The following FIRRM variants were observed in gnomAD, a reference collection of about 807,000 sequenced individuals.
FIRRM encodes FIGNL1 interacting regulator of recombination and mitosis, also known as FIGNL1-interacting regulator of recombination and mitosis.
chr1:169,804,089 G>A, the FIRRM span: 127 of 1,484,822 alleles, frequency 8.6e-5, 1 homozygote, highest in African/African-American at 1.6e-3. Context: ...GTGAATCTGT[G>A]TATTCTGGGT....
the FIRRM span, among the ~76,000 whole-genome samples, chr1:169,794,350 C>T: frequency 6.6e-6 from 1 of 152,112 alleles, no homozygotes; most frequent in Non-Finnish European, 1.5e-5. Context: ...ATAGGTATGG[C>T]CTGGTGTGTG....
chr1:169,847,229 A>G, the FIRRM span, among the ~76,000 whole-genome samples: 1 of 150,888 alleles, frequency 6.6e-6, no homozygotes, highest in Non-Finnish European at 1.5e-5. Context: ...CCAATCTGTG[A>G]CAGCCATGAA....
At chr1:169,832,543 G>A in the FIRRM span, 7 of 1,472,190 alleles carry the variant, frequency 4.8e-6, no homozygotes, top group Non-Finnish European at 6.7e-6. Flanking sequence ...TGTCTGTGAA[G>A]CTGCTCAGAG....
chr1:169,828,297 C>T, the FIRRM span, among the ~76,000 whole-genome samples: 42 of 152,146 alleles, frequency 2.8e-4, no homozygotes, highest in Admixed American at 1.2e-3. Context: ...TCCCATTCTG[C>T]GTACCACGAT....
the FIRRM span, chr1:169,842,373 G>C: frequency 1.3e-6 from 2 of 1,592,796 alleles, no homozygotes; most frequent in Non-Finnish European, 1.7e-6. Flanking sequence ...TGGTGCTTTA[G>C]ACTGGTGTTT....
chr1:169,803,651 TC>T, the FIRRM span, among the ~76,000 whole-genome samples: 4,063 of 152,270 alleles, frequency 0.027, 204 homozygotes, highest in East Asian at 0.22. Flanking sequence ...TGTCAGAACT[TC>T]CTTTTATAAA....
chr1:169,788,177 A>G, the FIRRM span, among the ~76,000 whole-genome samples: 1 of 152,222 alleles, frequency 6.6e-6, no homozygotes, highest in East Asian at 1.9e-4. Flanking sequence ...CTTAAAATAT[A>G]TACAACTGAC....
chr1:169,824,687 A>T, the FIRRM span, among the ~76,000 whole-genome samples: 1 of 151,954 alleles, frequency 6.6e-6, no homozygotes, highest in South Asian at 2.1e-4. Context: ...GTAGCACTTG[A>T]TCCTCTTTTT....
chr1:169,839,557 G>A, the FIRRM span, among the ~76,000 whole-genome samples: 6 of 152,108 alleles, frequency 3.9e-5, no homozygotes, highest in South Asian at 2.1e-4. Flanking sequence ...TTTGAGAAGC[G>A]TCTGTTCATG....
At chr1:169,805,626 G>A in the FIRRM span, among the ~76,000 whole-genome samples, 1 of 152,098 alleles carries the variant, frequency 6.6e-6, no homozygotes, top group Admixed American at 6.6e-5. Flanking sequence ...GAATACCATG[G>A]ATATTAATTT....
the FIRRM span, chr1:169,851,670 A>G: frequency 6.9e-6 from 6 of 864,934 alleles, no homozygotes; most frequent in Non-Finnish European, 1.1e-5. Context: ...TCCAGATTAT[A>G]CTAAGAGTAT....
the FIRRM span, among the ~76,000 whole-genome samples, chr1:169,806,997 T>C: frequency 6.6e-6 from 1 of 152,226 alleles, no homozygotes; most frequent in East Asian, 1.9e-4. Flanking sequence ...ACTCTTACCC[T>C]CTTCCAGTTC....
At chr1:169,812,414 C>T in the FIRRM span, among the ~76,000 whole-genome samples, 5 of 152,154 alleles carry the variant, frequency 3.3e-5, no homozygotes, top group African/African-American at 7.2e-5. Context: ...TTGGCTGGCT[C>T]ATGGGAGTAC....
At chr1:169,850,321 CA>C in the FIRRM span, 1 of 1,608,356 alleles carries the variant, frequency 6.2e-7, no homozygotes, top group Non-Finnish European at 8.5e-7. Context: ...AAACTAAGAA[CA>C]AAGTTGTATC....
chr1:169,826,362 A>ATTT, the FIRRM span, among the ~76,000 whole-genome samples: 14 of 129,864 alleles, frequency 1.1e-4, no homozygotes, highest in African/African-American at 2.0e-4. Context: ...CACACCCGGC[A>ATTT]TTTTTTTTTT....
At chr1:169,829,031 T>G in the FIRRM span, among the ~76,000 whole-genome samples, 1 of 152,206 alleles carries the variant, frequency 6.6e-6, no homozygotes, top group African/African-American at 2.4e-5. Flanking sequence ...AGATAAACAG[T>G]TGGTAAATGA....
At chr1:169,842,413 TC>T in the FIRRM span, 2 of 1,611,662 alleles carry the variant, frequency 1.2e-6, no homozygotes, top group Non-Finnish European at 1.7e-6. Flanking sequence ...TTTCTGTCCT[TC>T]AGAACACAGT....
chr1:169,799,430 G>A, the FIRRM span, among the ~76,000 whole-genome samples: 4 of 152,256 alleles, frequency 2.6e-5, no homozygotes, highest in East Asian at 7.7e-4. Flanking sequence ...CATTCTTCTA[G>A]TCAGAAGAGA....
the FIRRM span, chr1:169,823,337 C>A: frequency 2.4e-6 from 2 of 834,628 alleles, no homozygotes; most frequent in Non-Finnish European, 3.8e-6. Context: ...ATTTTGCATA[C>A]CTTTGTGAGA....
Sources: gnomAD v4.1 joint callset for allele counts (sites outside exome capture counted in the v4.1 genomes callset) on GRCh38, gnomAD v4.1.1 for gene constraint, MANE v1.5 for transcripts, NCBI Gene and HGNC (gene_info 2026-07-23, HGNC 2026-07-21) for gene names.